ASIC2: variants seen among roughly 807,000 people sequenced by gnomAD.
ASIC2 encodes the protein acid sensing ion channel subunit 2, also known as acid-sensing ion channel 2.
Under a neutral mutation model 57.3 loss-of-function variants are expected in ASIC2, and 25 were observed. The observed-to-expected ratio is 0.44, with a 90% CI of 0.32 to 0.61. The LOEUF (loss-of-function observed/expected upper bound fraction) is 0.61. Among genes scored for constraint, ASIC2 ranks in the 20% least tolerant of loss-of-function variants. The pLI is 0.06. For missense variants in ASIC2, 641 were observed against 738.1 expected, an observed-to-expected ratio of 0.87 and a Z score of 1.52; for synonymous variants, 319 against 307.5, an observed-to-expected ratio of 1.04 and a Z score of -0.39.
chr17:33,302,986 A>G (rs546208555), intron 1 of ASIC2, among the ~76,000 whole-genome samples: 6 of 152,354 alleles, frequency 3.9e-5, no homozygotes, highest in South Asian at 2.1e-4. Flanking sequence ...CGTAATGGCC[A>G]TAATCCCATA....
chr17:33,459,565 G>A (rs1025045743), intron 1 of ASIC2, among the ~76,000 whole-genome samples: 1 of 152,188 alleles, frequency 6.6e-6, no homozygotes, highest in Non-Finnish European at 1.5e-5. Context: ...TGAAAGCATC[G>A]AGGCAAAGAG....
At chr17:34,106,373 CATTG>C (rs1911056215) in intron 1 of ASIC2, among the ~76,000 whole-genome samples, 1 of 151,976 alleles carries the variant, frequency 6.6e-6, no homozygotes, top group African/African-American at 2.4e-5. Flanking sequence ...ATTCAGTATC[CATTG>C]ATTATTTTTA....
At chr17:33,548,707 C>T (rs1409833542) in intron 1 of ASIC2, among the ~76,000 whole-genome samples, 1 of 152,120 alleles carries the variant, frequency 6.6e-6, no homozygotes. Flanking sequence ...GTCAGACACT[C>T]AACTGTTTTT....
At position 33,099,053 on chromosome 17, in the gene ASIC2, C is replaced by T. The variant is rs548271286; in HGVS notation, c.860-10063G>A. Among the ~76,000 whole-genome samples the T allele has an allele frequency of 4.0e-3, 607 of 151,816 alleles. 6 individuals are homozygous for T. Among genetic ancestry groups the T allele is most frequent in the Non-Finnish European group, 4.1e-3 (281 of 67,962 alleles). ...TGTTGCCCAGGCTGGAGTGCAATGG[C>T]GTGATCTTGGCTCACTGCAACCTCT... On this transcript the variant is annotated intron_variant, in intron 2 of 9. Coordinates refer to ENST00000225823, the MANE Select transcript of ASIC2 (RefSeq NM_183377.2).
At chr17:33,988,108 A>C (rs558838808) in intron 1 of ASIC2, among the ~76,000 whole-genome samples, 1 of 152,304 alleles carries the variant, frequency 6.6e-6, no homozygotes, top group Admixed American at 6.5e-5. Context: ...GAGCATACAT[A>C]AGAGACCTGA....
intron 3 of ASIC2, among the ~76,000 whole-genome samples, chr17:33,066,083 G>A (rs547186807): frequency 1.2e-4 from 18 of 152,256 alleles, no homozygotes; most frequent in Non-Finnish European, 2.2e-4. Flanking sequence ...TTTCCTATCA[G>A]GATTTCCTCT....
intron 1 of ASIC2, among the ~76,000 whole-genome samples, chr17:33,171,366 A>G (rs114172461): frequency 0.015 from 2,284 of 152,278 alleles, 61 homozygotes; most frequent in African/African-American, 0.05. Context: ...CTCAAACTCA[A>G]CATGTCCACA....
chr17:33,301,475 T>C (rs1905957492), intron 1 of ASIC2, among the ~76,000 whole-genome samples: 1 of 152,142 alleles, frequency 6.6e-6, no homozygotes, highest in Non-Finnish European at 1.5e-5. Context: ...CTCAAGTAGT[T>C]TGGCTCTAGA....
At chr17:33,036,287 G>C (rs1312486880) in intron 3 of ASIC2, among the ~76,000 whole-genome samples, 1 of 152,126 alleles carries the variant, frequency 6.6e-6, no homozygotes, top group Non-Finnish European at 1.5e-5. Context: ...ATCACATAGT[G>C]ATCTTGTGAG....
At chr17:33,080,551 TATAC>T (rs965779869) in intron 3 of ASIC2, among the ~76,000 whole-genome samples, 7 of 152,102 alleles carry the variant, frequency 4.6e-5, no homozygotes, top group East Asian at 3.9e-4. Context: ...TTTTCCTATA[TATAC>T]ATACATACAT....
chr17:33,883,619 T>A (rs562658182), intron 1 of ASIC2, among the ~76,000 whole-genome samples: 10 of 152,270 alleles, frequency 6.6e-5, no homozygotes, highest in Admixed American at 1.3e-4. Context: ...CAGCCCCAGA[T>A]GCACATGTCA....
chr17:33,799,804 A>T (rs1233995962), intron 1 of ASIC2, among the ~76,000 whole-genome samples: 4 of 152,058 alleles, frequency 2.6e-5, no homozygotes. Context: ...CCAAGAGGGT[A>T]CTCTTTACAT....
intron 1 of ASIC2, among the ~76,000 whole-genome samples, chr17:33,641,779 G>A (rs780394966): frequency 2.0e-5 from 3 of 152,204 alleles, no homozygotes; most frequent in Non-Finnish European, 2.9e-5. Flanking sequence ...ACAGTTTAAA[G>A]TCAGGCAGGG....
intron 1 of ASIC2, among the ~76,000 whole-genome samples, chr17:33,447,339 C>T (rs181144852): frequency 1.3e-5 from 2 of 152,122 alleles, no homozygotes; most frequent in South Asian, 2.1e-4. Context: ...CCTAGAGATA[C>T]CACTAATCAG....
chr17:33,989,648 A>T (rs1306377256), intron 1 of ASIC2, among the ~76,000 whole-genome samples: 1 of 152,180 alleles, frequency 6.6e-6, no homozygotes, highest in East Asian at 1.9e-4. Flanking sequence ...TGAGGATTAG[A>T]TAAGAATAGC....
rs145929677 is a variant in ASIC2 at position 33,846,010 on chromosome 17, C to T, written c.555+309968G>A. 6.0e-3 allele frequency among the ~76,000 whole-genome samples: 920 copies of T among 152,236 alleles called. 9 individuals carry two copies. The highest frequency in any genetic ancestry group is 0.021 in the African/African-American group (855 of 41,532). On this transcript the variant is annotated intron_variant, in intron 1 of 9. Transcript: ENST00000359872. ...GGACTTTGGAAAATTCATGCAAAGA[C>T]CTACCACATAGTCGTTTTCTGAACT...
At chr17:33,436,262 G>C (rs770510998) in intron 1 of ASIC2, among the ~76,000 whole-genome samples, 1 of 152,196 alleles carries the variant, frequency 6.6e-6, no homozygotes, top group Non-Finnish European at 1.5e-5. Flanking sequence ...AAGGCCACAG[G>C]CTTAGGATTC....
chr17:33,871,326 T>G (rs146522151), intron 1 of ASIC2, among the ~76,000 whole-genome samples: 1 of 152,306 alleles, frequency 6.6e-6, no homozygotes, highest in East Asian at 1.9e-4. Flanking sequence ...GAAAGTATTT[T>G]GGGCAGCACT....
chr17:33,226,452 A>G (rs1907882987), intron 1 of ASIC2, among the ~76,000 whole-genome samples: 1 of 152,214 alleles, frequency 6.6e-6, no homozygotes, highest in Admixed American at 6.5e-5. Context: ...CTAAAATTAT[A>G]ATTTTGAGGC....
Sources: allele counts gnomAD v4.1 joint callset (sites outside exome capture counted in the v4.1 genomes callset), GRCh38; gene constraint gnomAD v4.1.1; transcripts MANE v1.5; gene names NCBI Gene and HGNC (gene_info 2026-07-23, HGNC 2026-07-21).